The following AGBL1 variants were observed in gnomAD, a reference collection of about 807,000 sequenced individuals.
AGBL1 encodes cytosolic carboxypeptidase 4.
A neutral mutation model predicts 118.9 loss-of-function variants in AGBL1; 130 were observed. That is an observed-to-expected ratio of 1.09 (90% CI 0.95 to 1.26). AGBL1 has a LOEUF of 1.26. Ranked by LOEUF, AGBL1 falls within the 50% of genes most tolerant of loss-of-function variation. The pLI is 0.00. For synonymous variants in AGBL1, 555 were observed against 478.9 expected (o/e 1.16, Z -2.08); for missense variants, 1,584 against 1,298.1 (o/e 1.22, Z -3.38).
chr15:86,925,154 AGGAGGAGGAG>A (rs2080521075), intron 23 of AGBL1, among the ~76,000 whole-genome samples: 3 of 22,896 alleles, frequency 1.3e-4, no homozygotes, highest in Admixed American at 4.3e-4. Context: ...GAGGAGGAGG[AGGAGGAGGAG>A]GAGGAAGAGG....
intron 23 of AGBL1, among the ~76,000 whole-genome samples, chr15:86,979,115 G>A (rs745889064): frequency 1.3e-5 from 2 of 152,138 alleles, no homozygotes; most frequent in Non-Finnish European, 2.9e-5. Context: ...CATCTAAACT[G>A]TCATTAAAAC....
chr15:86,276,159 AT>A (rs755979280), intron 15 of AGBL1, among the ~76,000 whole-genome samples: 3 of 152,114 alleles, frequency 2.0e-5, no homozygotes, highest in Non-Finnish European at 4.4e-5. Context: ...ATTATTTTAC[AT>A]TTTTTTCTAT....
intron 17 of AGBL1, among the ~76,000 whole-genome samples, chr15:86,370,019 G>A (rs934629501): frequency 3.9e-5 from 6 of 152,014 alleles, no homozygotes; most frequent in South Asian, 2.1e-4. Context: ...ATCAATCACC[G>A]GTTTTATGAG....
chr15:86,535,700 T>G (rs570250064), intron 19 of AGBL1, among the ~76,000 whole-genome samples: 10 of 152,330 alleles, frequency 6.6e-5, no homozygotes, highest in Admixed American at 5.9e-4. Flanking sequence ...TTTAGCTACT[T>G]AAATGATTTT....
At chr15:86,113,218 TTTTCTTTTC>T (rs1364762780) in intron 1 of AGBL1, among the ~76,000 whole-genome samples, 1 of 52,644 alleles carries the variant, frequency 1.9e-5, no homozygotes, top group South Asian at 6.2e-4. Flanking sequence ...TTTCTTTTTC[TTTTCTTTTC>T]TTTTCTTTTC....
intron 24 of AGBL1, among the ~76,000 whole-genome samples, chr15:86,994,340 C>G (rs1392260215): frequency 6.6e-6 from 1 of 152,138 alleles, no homozygotes. Flanking sequence ...CCTGTGATCT[C>G]TCTACGTCCC....
chr15:86,390,958 C>T (rs2081271524), intron 17 of AGBL1, among the ~76,000 whole-genome samples: 1 of 151,128 alleles, frequency 6.6e-6, no homozygotes, highest in African/African-American at 2.4e-5. Context: ...GCGTGAGCCA[C>T]CGTTACTCAC....
chr15:86,136,369 G>A (rs1374988284), intron 1 of AGBL1, among the ~76,000 whole-genome samples: 1 of 152,214 alleles, frequency 6.6e-6, no homozygotes, highest in Non-Finnish European at 1.5e-5. Flanking sequence ...AAATAATTCT[G>A]TTCTTGGAGA....
chr15:86,497,483 T>C (rs1355644917), intron 18 of AGBL1, among the ~76,000 whole-genome samples: 1 of 151,996 alleles, frequency 6.6e-6, no homozygotes, highest in East Asian at 1.9e-4. Flanking sequence ...ATGTGGCTTT[T>C]CCGTTTGATA....
At chr15:87,028,407 C>A (rs1365865805) in intron 24 of AGBL1, among the ~76,000 whole-genome samples, 1 of 151,664 alleles carries the variant, frequency 6.6e-6, no homozygotes, top group African/African-American at 2.4e-5. Context: ...ATTCAAGTGG[C>A]CAATTTCATA....
In AGBL1 at chr15:86,914,997, G is replaced by A. The variant is rs904620823; in HGVS notation, c.*7703G>A. 4 of 152,138 alleles carry A rather than the reference G, an allele frequency of 2.6e-5. No individual in the cohort carries two copies. The highest frequency in any genetic ancestry group is 1.9e-4 in the East Asian group (1 of 5,182). The allele number at this position is 152,138 out of a possible 1,614,324, so 9.4% of individuals were successfully genotyped here. A position where few individuals can be genotyped will look rare whatever the true frequency, so the allele number is the denominator to read the frequency against. On this transcript the variant is annotated 3_prime_UTR_variant, in exon 23 of 23. Coordinates refer to ENST00000614907, the MANE Select transcript of AGBL1 (RefSeq NM_001386094.1). ...CCAAATTCCTAAACTTGATTATGCC[G>A]ATAGTAAACCGGCGTTGTTTGATTT...
At chr15:86,935,420 A>T (rs548642230) in intron 23 of AGBL1, among the ~76,000 whole-genome samples, 3 of 152,326 alleles carry the variant, frequency 2.0e-5, no homozygotes, top group East Asian at 3.9e-4. Flanking sequence ...GAAGACAGAG[A>T]AGGTAAGAAC....
chr15:86,358,993 G>A (rs1326521688), intron 17 of AGBL1, among the ~76,000 whole-genome samples: 1 of 151,150 alleles, frequency 6.6e-6, no homozygotes, highest in Non-Finnish European at 1.5e-5. Context: ...TCCATTGATT[G>A]TTTTCTTTGC....
intron 18 of AGBL1, among the ~76,000 whole-genome samples, chr15:86,501,782 C>G (rs2082919816): frequency 2.6e-5 from 4 of 151,542 alleles, no homozygotes; most frequent in Non-Finnish European, 5.9e-5. Context: ...TTTCTGGACT[C>G]TCACTTCTGT....
At chr15:86,813,209 G>A (rs1281495293) in intron 22 of AGBL1, among the ~76,000 whole-genome samples, 5 of 151,624 alleles carry the variant, frequency 3.3e-5, no homozygotes, top group African/African-American at 1.2e-4. Context: ...GGGTTGGGGG[G>A]GCCTCAGGGG....
chr15:86,134,520 T>C (rs2076859813), intron 1 of AGBL1, among the ~76,000 whole-genome samples: 1 of 151,794 alleles, frequency 6.6e-6, no homozygotes, highest in Non-Finnish European at 1.5e-5. Flanking sequence ...TAAAATTGGA[T>C]CTAGACTTGT....
chr15:86,526,776 T>A (rs552142785), intron 19 of AGBL1, among the ~76,000 whole-genome samples: 33 of 151,906 alleles, frequency 2.2e-4, no homozygotes, highest in Non-Finnish European at 4.0e-4. Context: ...AAATATCACA[T>A]GTTCTCATTA....
intron 21 of AGBL1, among the ~76,000 whole-genome samples, chr15:86,579,789 C>G (rs1463821710): frequency 6.6e-6 from 1 of 152,062 alleles, no homozygotes; most frequent in Non-Finnish European, 1.5e-5. Context: ...GGGCAGAAAA[C>G]AAGATAGACA....
chr15:86,867,199 A>G (rs1304089902), intron 22 of AGBL1, among the ~76,000 whole-genome samples: 2 of 152,162 alleles, frequency 1.3e-5, no homozygotes, highest in African/African-American at 2.4e-5. Flanking sequence ...CATAAATGGT[A>G]GGTACAATTA....
Sources: allele counts gnomAD v4.1 joint callset (sites outside exome capture counted in the v4.1 genomes callset), GRCh38; gene constraint gnomAD v4.1.1; transcripts MANE v1.5; gene names NCBI Gene and HGNC (gene_info 2026-07-23, HGNC 2026-07-21).